ASIP: variants seen among roughly 807,000 people sequenced by gnomAD.
ASIP encodes the protein agouti signaling protein, also known as agouti-signaling protein.
In ASIP, 11 loss-of-function variants were observed where a neutral mutation model predicts 10.3. The ratio of observed to expected loss-of-function variants is 1.07; its 90% CI spans 0.68 to 1.78. The LOEUF (loss-of-function observed/expected upper bound fraction) is 1.78, where lower values mean the gene tolerates loss of function less well. Among genes scored for constraint, ASIP ranks in the 40% most tolerant of loss-of-function variants. The pLI is 0.00. For missense variants in ASIP, 180 were observed against 169.2 expected (o/e 1.06, Z -0.35); for synonymous variants, 70 against 70.8 (o/e 0.99, Z 0.06).
At chr20:34,216,978 T>C (rs1223428352) in intron 1 of ASIP, among the ~76,000 whole-genome samples, 3 of 152,178 alleles carry the variant, frequency 2.0e-5, no homozygotes, top group Admixed American at 2.0e-4. Context: ...GTTATCTCTC[T>C]CCAGAAGGGT....
chr20:34,210,064 T>C (rs531506562), intron 1 of ASIP, among the ~76,000 whole-genome samples: 119 of 152,328 alleles, frequency 7.8e-4, no homozygotes, highest in Non-Finnish European at 1.5e-3. Context: ...TCCTCTGAGC[T>C]ATTTTGTCAC....
chr20:34,221,356 C>T (rs536390804), intron 1 of ASIP, among the ~76,000 whole-genome samples: 16 of 150,536 alleles, frequency 1.1e-4, no homozygotes, highest in Non-Finnish European at 1.5e-5. Context: ...CCAGCCTGGG[C>T]GACAGAGCGA....
At position 34,214,004 on chromosome 20, in the gene ASIP, A is replaced by G. The variant is rs2034991208; in HGVS notation, c.-11+19244A>G. 2.6e-6 allele frequency: 4 copies of G among 1,535,334 alleles called. No individual in the cohort carries two copies. The African/African-American group carries it at 4.1e-5, about 16-fold the overall frequency. ...TTAAACTTCTCCATTAGTGGAGTCA[A>G]CAGATTCCTCATTAAGGCTTCTTTC... is the stretch of plus-strand genomic sequence containing the variant. On this transcript the variant is annotated intron_variant, in intron 1 of 3. Coordinates refer to the ASIP transcript ENST00000568305.
chr20:34,211,307 C>T (rs2034973294), intron 1 of ASIP, among the ~76,000 whole-genome samples: 1 of 152,252 alleles, frequency 6.6e-6, no homozygotes, highest in Non-Finnish European at 1.5e-5. Context: ...AAATGATCCT[C>T]CCACTTCGGC....
rs1237110137 is a variant in ASIP at position 34,208,850 on chromosome 20, C to T, written c.-11+14090C>T. Among the ~76,000 whole-genome samples the T allele has an allele frequency of 2.0e-5, 3 of 152,226 alleles. No homozygotes were observed. In the East Asian group the frequency reaches 5.8e-4, roughly 29 times the overall value. ...TCTTTCACTTCTTTGGTCGTTTATG[C>T]CTAAGTATTTTTTTCTGTAGCTATC... On this transcript the variant is annotated intron_variant, in intron 1 of 3. Transcript: ENST00000568305.
intron 1 of ASIP, among the ~76,000 whole-genome samples, chr20:34,216,098 C>T (rs2035006371): frequency 1.3e-5 from 2 of 152,278 alleles, no homozygotes; most frequent in South Asian, 4.1e-4. Context: ...TCTGCCACGA[C>T]CGCAGCGCCA....
intron 1 of ASIP, among the ~76,000 whole-genome samples, chr20:34,243,883 T>C (rs1476990531): frequency 6.6e-6 from 1 of 151,740 alleles, no homozygotes; most frequent in Non-Finnish European, 1.5e-5. Flanking sequence ...GCTAACACGA[T>C]GAAACCCCGT....
At chr20:34,255,076 T>C (rs1313316068) in intron 1 of ASIP, among the ~76,000 whole-genome samples, 1 of 152,158 alleles carries the variant, frequency 6.6e-6, no homozygotes, top group Non-Finnish European at 1.5e-5. Context: ...AGTGTTTACA[T>C]TAGGCTTATG....
At chr20:34,217,142 T>TGAAA (rs1319863803) in intron 1 of ASIP, among the ~76,000 whole-genome samples, 1 of 152,070 alleles carries the variant, frequency 6.6e-6, no homozygotes, top group Non-Finnish European at 1.5e-5. Context: ...TGGTCCCAGC[T>TGAAA]GAAAGCCTGG....
chr20:34,205,532 A>G (rs2034929676), intron 1 of ASIP, among the ~76,000 whole-genome samples: 1 of 150,738 alleles, frequency 6.6e-6, no homozygotes, highest in Non-Finnish European at 1.5e-5. Context: ...TATTGCGAAG[A>G]GCGAAAGAAC....
intron 1 of ASIP, among the ~76,000 whole-genome samples, chr20:34,210,551 C>T (rs2034967933): frequency 6.6e-6 from 1 of 152,192 alleles, no homozygotes; most frequent in East Asian, 1.9e-4. Flanking sequence ...GCCTGGCTTG[C>T]CTTTGGCAGG....
chr20:34,221,513 G>A (rs1052870970), intron 1 of ASIP, among the ~76,000 whole-genome samples: 2 of 152,140 alleles, frequency 1.3e-5, no homozygotes, highest in Non-Finnish European at 2.9e-5. Context: ...TCCATGGGTT[G>A]AAATCAGCAG....
At chr20:34,211,300 T>A (rs1334777444) in intron 1 of ASIP, among the ~76,000 whole-genome samples, 3 of 152,212 alleles carry the variant, frequency 2.0e-5, no homozygotes, top group Non-Finnish European at 4.4e-5. Context: ...CTTCCTCAAA[T>A]GATCCTCCCA....
chr20:34,233,093 T>TC (rs1427414013), intron 1 of ASIP, among the ~76,000 whole-genome samples: 1 of 145,610 alleles, frequency 6.9e-6, no homozygotes, highest in Non-Finnish European at 1.5e-5. Flanking sequence ...TCTTCCCCAC[T>TC]CACACCAACA....
chr20:34,257,070 C>CTTTTTTTTTTTTTTTTTTTTTTTTTTTT (rs56227909), intron 1 of ASIP, among the ~76,000 whole-genome samples: 5 of 139,426 alleles, frequency 3.6e-5, no homozygotes, highest in Admixed American at 7.2e-5. Flanking sequence ...CTTTCTTTCT[C>CTTTTTTTTTTTTTTTTTTTTTTTTTTTT]TTTTTTTTTT....
chr20:34,235,866 A>AAGGAAGGAAGGG lies in ASIP; in HGVS notation c.-10-24498_-10-24497insGGAAGGAAGGGA, dbSNP rs1349467682. The stretch of plus-strand genomic sequence containing the variant: ...GAAGGAAGGAAGGAAGGAAGGAAGG[A>AAGGAAGGAAGGG]AAGGAAGGAAGGAAGGAAGGAAGGA... On this transcript the variant is annotated intron_variant, in intron 1 of 3. Transcript: ENST00000568305. Among the ~76,000 whole-genome samples the AAGGAAGGAAGGG allele has an allele frequency of 6.6e-3, 243 of 36,822 alleles. 5 individuals are homozygous for AAGGAAGGAAGGG. The highest frequency in any genetic ancestry group is 7.4e-3 in the African/African-American group (25 of 3,392). The allele number at this position is 36,822 out of a possible 152,430, so 24.2% of individuals were successfully genotyped here. A position where few individuals can be genotyped will look rare whatever the true frequency, so the allele number is the denominator to read the frequency against.
At chr20:34,223,340 A>G (rs1335068735) in intron 1 of ASIP, among the ~76,000 whole-genome samples, 14 of 138,476 alleles carry the variant, frequency 1.0e-4, no homozygotes, top group African/African-American at 2.5e-4. Flanking sequence ...GGAGGTGAGG[A>G]GCGTCTCTGC....
chr20:34,190,265 G>A (rs2122523632), upstream of ASIP, among the ~76,000 whole-genome samples: 1 of 152,194 alleles, frequency 6.6e-6, no homozygotes, highest in South Asian at 2.1e-4. Context: ...GTTTTACCAG[G>A]TATTTTATAG....
At chr20:34,251,464 C>T (rs1016771539) in intron 1 of ASIP, among the ~76,000 whole-genome samples, 3 of 151,808 alleles carry the variant, frequency 2.0e-5, no homozygotes, top group African/African-American at 2.4e-5. Flanking sequence ...TTAATAGAGA[C>T]GGGGTTTTAC....
Sources: gnomAD v4.1 joint callset for allele counts (sites outside exome capture counted in the v4.1 genomes callset) on GRCh38, gnomAD v4.1.1 for gene constraint, MANE v1.5 for transcripts, NCBI Gene and HGNC (gene_info 2026-07-23, HGNC 2026-07-21) for gene names.